Variants in ARHGAP12 observed in about 807,000 individuals in gnomAD.
The protein encoded by ARHGAP12 is rho GTPase-activating protein 12.
In ARHGAP12, 64 loss-of-function variants were observed where a neutral mutation model predicts 108.6. The observed-to-expected ratio is 0.59, with a 90% CI of 0.48 to 0.73. The LOEUF is 0.73. ARHGAP12 is among the 30% of genes least tolerant of loss of function. The probability of loss-of-function intolerance (pLI) is 0.00; values close to 1 mark genes in which losing one functional copy is unlikely to be tolerated. For missense variants in ARHGAP12, 940 were observed against 1,005.9 expected, an observed-to-expected ratio of 0.93 and a Z score of 0.89; for synonymous variants, 312 against 337.2, an observed-to-expected ratio of 0.93 and a Z score of 0.82.
chr10:31,853,999 T>G, intron 5 of ARHGAP12, 67 bp downstream of exon 5: 1 of 1,458,586 alleles, frequency 6.9e-7, no homozygotes, highest in Non-Finnish European at 9.2e-7. Flanking sequence ...ATACTAAAAC[T>G]GCAGTACACA....
rs751470628 is a variant in ARHGAP12, at chr10:31,908,209, C to A, written c.647G>T (p.Gly216Val). Reference sequence around the variant, plus strand: ...AGTGGAGCTGCTGCTAAGTTCATCACCAGATTCAGAATCTTGATGTATTCT... The same window carrying A: ...AGTGGAGCTGCTGCTAAGTTCATCAACAGATTCAGAATCTTGATGTATTCT... ...SERIHQDSES[G>V]DELSSSSTEQ... The change falls in exon 3 of 20, where the codon GGT (glycine) becomes GTT (valine). Residue 216 changes from glycine to valine, a missense_variant. Physicochemically the swap from Gly to Val is moderately radical, Grantham distance 109. Transcript: ENST00000344936. The A allele has an allele frequency of 1.2e-6, 2 of 1,610,924 alleles. No homozygotes were observed. The highest frequency in any genetic ancestry group is 2.2e-5 in the South Asian group (2 of 90,588).
intron 1 of ARHGAP12, among the ~76,000 whole-genome samples, chr10:31,912,070 T>C (rs1839371386): frequency 6.6e-6 from 1 of 152,204 alleles, no homozygotes; most frequent in South Asian, 2.1e-4. Context: ...TTCTGACCTT[T>C]CAGACGCTCA....
At chr10:31,896,665 A>G (rs539254953) in intron 3 of ARHGAP12, among the ~76,000 whole-genome samples, 1 of 152,330 alleles carries the variant, frequency 6.6e-6, no homozygotes, top group Non-Finnish European at 1.5e-5. Flanking sequence ...TTAATAAACC[A>G]TACAAAAACA....
At chr10:31,847,072 G>A (rs891294868) in intron 6 of ARHGAP12, among the ~76,000 whole-genome samples, 1 of 151,906 alleles carries the variant, frequency 6.6e-6, no homozygotes, top group Non-Finnish European at 1.5e-5. Flanking sequence ...TGGTTTTTCT[G>A]TATATCTTCT....
At chr10:31,903,042 CCT>C (rs1838992510) in intron 3 of ARHGAP12, among the ~76,000 whole-genome samples, 1 of 152,144 alleles carries the variant, frequency 6.6e-6, no homozygotes, top group African/African-American at 2.4e-5. Context: ...TCAGCTCTTC[CCT>C]GAGTCTCTAG....
At chr10:31,913,214 A>C (rs1157993685) in intron 1 of ARHGAP12, 4 of 153,696 alleles carry the variant, frequency 2.6e-5, no homozygotes, top group African/African-American at 7.2e-5. Context: ...TGCCAGGAGG[A>C]GCACAGGAAG....
chr10:31,833,584 T>G (rs1345122830), intron 9 of ARHGAP12, among the ~76,000 whole-genome samples: 1 of 152,216 alleles, frequency 6.6e-6, no homozygotes, highest in Non-Finnish European at 1.5e-5. Context: ...CAAGTACTAA[T>G]GCTCTATTAA....
chr10:31,839,608 A>T (rs1458946648), intron 8 of ARHGAP12, 29 bp downstream of exon 8: 1 of 1,553,364 alleles, frequency 6.4e-7, no homozygotes, highest in Admixed American at 1.7e-5. Flanking sequence ...ACTGGACTAC[A>T]TTATAAGATA....
At chr10:31,846,337 G>A (rs1322419262) in intron 6 of ARHGAP12, among the ~76,000 whole-genome samples, 1 of 152,168 alleles carries the variant, frequency 6.6e-6, no homozygotes, top group African/African-American at 2.4e-5. Flanking sequence ...TCCTGATATT[G>A]CAAGTTTTCT....
intron 9 of ARHGAP12, among the ~76,000 whole-genome samples, chr10:31,833,441 GGA>G (rs1265853992): frequency 1.3e-5 from 2 of 151,910 alleles, no homozygotes; most frequent in African/African-American, 4.8e-5. Context: ...AGGATGAGAG[GGA>G]GAGTCTAGAT....
chr10:31,896,225 A>G (rs539214205), intron 3 of ARHGAP12, among the ~76,000 whole-genome samples: 152 of 151,464 alleles, frequency 1.0e-3, no homozygotes, highest in African/African-American at 3.4e-3. Context: ...GTACCCAAGA[A>G]CTTAAAGTAT....
At chr10:31,921,129 T>C (rs533177091) in intron 1 of ARHGAP12, among the ~76,000 whole-genome samples, 33 of 150,030 alleles carry the variant, frequency 2.2e-4, no homozygotes, top group Admixed American at 4.6e-4. Flanking sequence ...CTACAAAAAC[T>C]AAAAAAACTA....
intron 3 of ARHGAP12, among the ~76,000 whole-genome samples, chr10:31,862,690 G>A (rs534691403): frequency 1.2e-4 from 18 of 144,260 alleles, no homozygotes; most frequent in South Asian, 6.7e-4. Flanking sequence ...GATGACAGTG[G>A]CGCATGCACA....
chr10:31,865,965 G>C (rs1322668937), intron 3 of ARHGAP12, among the ~76,000 whole-genome samples: 2 of 152,090 alleles, frequency 1.3e-5, no homozygotes, highest in African/African-American at 4.8e-5. Context: ...CAGAGTAAGT[G>C]CAAGATGAAA....
At chr10:31,918,497 G>A (rs562804785) in intron 1 of ARHGAP12, among the ~76,000 whole-genome samples, 37 of 152,216 alleles carry the variant, frequency 2.4e-4, no homozygotes, top group African/African-American at 8.4e-4. Flanking sequence ...GAGCCCTGGA[G>A]TTCAAGACCA....
intron 9 of ARHGAP12, among the ~76,000 whole-genome samples, chr10:31,835,149 G>A (rs1197611752): frequency 6.7e-6 from 1 of 150,000 alleles, no homozygotes; most frequent in African/African-American, 2.5e-5. Context: ...AGTGAGCCGA[G>A]ATCGCGCCAC....
intron 1 of ARHGAP12, among the ~76,000 whole-genome samples, chr10:31,919,322 GTTAA>G (rs1839692909): frequency 6.6e-6 from 1 of 152,168 alleles, no homozygotes; most frequent in African/African-American, 2.4e-5. Flanking sequence ...GGACAACAAA[GTTAA>G]TTTATTTGAT....
intron 19 of ARHGAP12, among the ~76,000 whole-genome samples, chr10:31,808,144 TA>T (rs917873691): frequency 6.6e-6 from 1 of 152,140 alleles, no homozygotes; most frequent in Admixed American, 6.5e-5. Context: ...ACTGCTCCAT[TA>T]AGTTGATGGG....
intron 3 of ARHGAP12, among the ~76,000 whole-genome samples, chr10:31,882,744 T>C (rs983300319): frequency 2.2e-5 from 3 of 138,664 alleles, no homozygotes; most frequent in African/African-American, 8.1e-5. Context: ...ACTTGGGAGG[T>C]GGAAGCTGCA....
Sources: gnomAD v4.1 joint callset for allele counts (sites outside exome capture counted in the v4.1 genomes callset) on GRCh38, gnomAD v4.1.1 for gene constraint, MANE v1.5 for transcripts, NCBI Gene and HGNC (gene_info 2026-07-23, HGNC 2026-07-21) for gene names.